The following LRRK1 variants were observed in gnomAD, a reference collection of about 807,000 sequenced individuals.
LRRK1 encodes the protein leucine rich repeat kinase 1, also known as leucine-rich repeat serine/threonine-protein kinase 1.
LRRK1 carries 113 observed loss-of-function variants against 209.1 expected under a neutral mutation model. The observed-to-expected ratio is 0.54, with a 90% CI of 0.46 to 0.63. LRRK1 has a LOEUF of 0.63. LRRK1 is among the 30% of genes least tolerant of loss of function. The probability of loss-of-function intolerance (pLI) is 0.00; values close to 1 mark genes in which losing one functional copy is unlikely to be tolerated. For missense variants in LRRK1, 2,284 were observed against 2,632.2 expected, an observed-to-expected ratio of 0.87 and a Z score of 2.89; for synonymous variants, 1,144 against 1,099.7, an observed-to-expected ratio of 1.04 and a Z score of -0.80.
chr15:100,948,188 GT>G (rs1404155127), intron 2 of LRRK1, among the ~76,000 whole-genome samples: 1 of 152,196 alleles, frequency 6.6e-6, no homozygotes, highest in African/African-American at 2.4e-5. Flanking sequence ...GTAGGTTTCT[GT>G]TTCTGAGTCT....
At chr15:100,944,473 G>A (rs1333494151) in intron 2 of LRRK1, among the ~76,000 whole-genome samples, 1 of 152,202 alleles carries the variant, frequency 6.6e-6, no homozygotes, top group Non-Finnish European at 1.5e-5. Context: ...CTTTTACAAG[G>A]ATGGGTTTGT....
At chr15:100,929,307 G>C (rs572648902) in intron 2 of LRRK1, among the ~76,000 whole-genome samples, 4 of 152,010 alleles carry the variant, frequency 2.6e-5, no homozygotes, top group Non-Finnish European at 5.9e-5. Context: ...CCGTCGCTTC[G>C]GTCCTGAAAG....
Position 101,029,135 on chromosome 15 carries a change from A to T in LRRK1, c.2866A>T (p.Met956Leu), listed in dbSNP as rs775494533. The T allele has an allele frequency of 8.1e-6, 13 of 1,613,986 alleles. No individual in the cohort carries two copies. The highest frequency in any genetic ancestry group is 9.3e-6 in the Non-Finnish European group (11 of 1,179,986). Residue 956 changes from methionine (M) to leucine (L), a missense_variant, in exon 20 of 34, where the codon ATG (methionine) becomes TTG (leucine). This residue lies in a region of LRRK1 where 780 missense variants were observed against 985.2 expected (regional missense o/e 0.79). Transcript: ENST00000388948. Reference sequence around the variant, plus strand: ...GGTGATCAGAGCAGAAGACCTCAGGATGCTGCTGGTGGGGACTGGCTTCAC... The same window carrying T: ...GGTGATCAGAGCAGAAGACCTCAGGTTGCTGCTGGTGGGGACTGGCTTCAC... The part of the protein sequence containing the change: ...NGVIRAEDLR[M>L]LLVGTGFTQQ...
intron 2 of LRRK1, among the ~76,000 whole-genome samples, chr15:100,934,299 T>G (rs1285842511): frequency 1.3e-5 from 2 of 152,248 alleles, no homozygotes; most frequent in Admixed American, 6.5e-5. Flanking sequence ...TTTTTGAAGT[T>G]CTTTTTAATG....
Position 100,973,914 on chromosome 15 carries a change from G to T in LRRK1, c.208G>T (p.Ala70Ser), listed in dbSNP as rs914448297. 16 of 1,265,980 alleles carry T rather than the reference G, an allele frequency of 1.3e-5. No individual in the cohort carries two copies. The highest frequency in any genetic ancestry group is 6.2e-5 in the African/African-American group (4 of 64,554). The allele number at this position is 1,265,980 out of a possible 1,614,324, so 78.4% of individuals were successfully genotyped here. ...GTACAGGCGGGGAGACCGCGGCGGC[G>T]CCCGGGACCTGCTGGAGGAGGCCTG... Reference protein sequence around the residue: ...AAYRRGDRGGARDLLEEACDQ... With the variant: ...AAYRRGDRGGSRDLLEEACDQ... Residue 70 changes from alanine to serine, a missense_variant, in exon 3 of 34, where the codon GCC becomes TCC. Physicochemically the swap from Ala to Ser is moderately conservative, Grantham distance 99. Coordinates refer to ENST00000388948, the MANE Select transcript of LRRK1 (RefSeq NM_024652.6).
intron 20 of LRRK1, among the ~76,000 whole-genome samples, chr15:101,037,022 C>T (rs2034518772): frequency 6.6e-6 from 1 of 152,118 alleles, no homozygotes; most frequent in Non-Finnish European, 1.5e-5. Context: ...CTCCTTGGAC[C>T]CCAGGGTGGT....
At chr15:100,925,122 A>G (rs2042088041) in intron 2 of LRRK1, among the ~76,000 whole-genome samples, 2 of 152,212 alleles carry the variant, frequency 1.3e-5, no homozygotes, top group South Asian at 4.1e-4. Context: ...CACAAGTACA[A>G]TGAGCATCTT....
chr15:101,076,951 C>T lies in LRRK1; in HGVS notation c.*8103C>T, dbSNP rs536397636. 3.9e-5 allele frequency: 6 copies of T among 152,326 alleles called. No individual in the cohort carries two copies. In the East Asian group the frequency reaches 7.7e-4, roughly 20 times the overall value. The allele number at this position is 152,326 out of a possible 1,614,324, so 9.4% of individuals were successfully genotyped here. ...CACCTCTATACTGTCTGATAACAGA[C>T]CAGCCTTTATTAGTCAAATCAGCCA... On this transcript the variant is annotated 3_prime_UTR_variant, in exon 34 of 34. Coordinates refer to ENST00000388948, the MANE Select transcript of LRRK1 (RefSeq NM_024652.6).
intron 6 of LRRK1, among the ~76,000 whole-genome samples, chr15:101,005,483 T>C (rs1338112515): frequency 6.6e-6 from 1 of 152,220 alleles, no homozygotes; most frequent in Non-Finnish European, 1.5e-5. Flanking sequence ...CTGCATTGAA[T>C]TGGAGGCATC....
chr15:100,946,693 C>T (rs2042546026), intron 2 of LRRK1, among the ~76,000 whole-genome samples: 1 of 152,172 alleles, frequency 6.6e-6, no homozygotes, highest in Non-Finnish European at 1.5e-5. Flanking sequence ...TAAAAATCAA[C>T]ACCACTAAAA....
chr15:101,013,022 G>A, intron 10 of LRRK1, among the ~76,000 whole-genome samples: 1 of 152,318 alleles, frequency 6.6e-6, no homozygotes, highest in Middle Eastern at 3.4e-3. Context: ...CAACTAGCAG[G>A]CTTGGATTTT....
chr15:101,073,841 T>C lies in LRRK1; in HGVS notation c.*4993T>C, dbSNP rs1309813576. 6.6e-6 allele frequency: 1 copy of C among 152,176 alleles called. No individual in the cohort carries two copies. The highest frequency in any genetic ancestry group is 2.4e-5 in the African/African-American group (1 of 41,442). 9.4% of individuals were successfully genotyped at this position (152,176 alleles called of 1,614,324 possible). A position where few individuals can be genotyped will look rare whatever the true frequency, so the allele number is the denominator to read the frequency against. ...TTCCTCCTTCTTCTCCCTTAGCCTA[T>C]GTTCTCAAAAACTTAAAACCTCTTC... On this transcript the variant is annotated 3_prime_UTR_variant, in exon 34 of 34. Transcript: ENST00000388948.
chr15:101,063,380 C>T lies in LRRK1; in HGVS notation c.4914+690C>T, dbSNP rs2036308308. Among the ~76,000 whole-genome samples the T allele has an allele frequency of 3.3e-5, 5 of 152,222 alleles. No individual in the cohort carries two copies. In the South Asian group the frequency reaches 1.0e-3, roughly 31 times the overall value. On this transcript the variant is annotated intron_variant, in intron 31 of 33. Coordinates refer to ENST00000388948, the MANE Select transcript of LRRK1 (RefSeq NM_024652.6). ...GGGCCCTTGACATCCCAGCCTCCTC[C>T]AGGAACAGCCCCTCCACGCACCTCT...
rs1460161867 is a variant in LRRK1, at chr15:101,061,411, A to C, written c.4797+123A>C. The C allele has an allele frequency of 4.5e-6, 3 of 667,850 alleles. No individual in the cohort carries two copies. The Admixed American group carries it at 7.3e-5, about 16-fold the overall frequency. 41.4% of individuals were successfully genotyped at this position (667,850 alleles called of 1,614,324 possible). A position where few individuals can be genotyped will look rare whatever the true frequency, so the allele number is the denominator to read the frequency against. The stretch of plus-strand genomic sequence containing the variant: ...TCAAGTGAACTTTCAGATAACCCCC[A>C]GCGCATCCCCGTGCAGTCCCCAAGT... On this transcript the variant is annotated intron_variant, in intron 30 of 33. Coordinates refer to ENST00000388948, the MANE Select transcript of LRRK1 (RefSeq NM_024652.6).
intron 12 of LRRK1, among the ~76,000 whole-genome samples, chr15:101,016,781 C>T (rs547112485): frequency 3.3e-4 from 50 of 152,284 alleles, no homozygotes; most frequent in African/African-American, 1.1e-3. Flanking sequence ...TACTGCCACA[C>T]GATGGTATCT....
rs1246733997 is a variant in LRRK1, at chr15:101,048,521, A to G, written c.3163A>G (p.Ser1055Gly). Residue 1055 changes from serine to glycine, a missense_variant, in exon 22 of 34, where the codon AGC becomes GGC. By Grantham distance (56) the Ser-to-Gly change is moderately conservative (BLOSUM62 0). Coordinates refer to ENST00000388948, the MANE Select transcript of LRRK1 (RefSeq NM_024652.6). ...QLFENKKNTK[S>G]RNRKVTIYSF... ...TTTTGAAAACAAGAAGAATACTAAA[A>G]GCAGGAACAGGAAAGTCACCATTTA... 2 of 1,600,382 alleles carry G rather than the reference A, an allele frequency of 1.2e-6. No individual in the cohort carries two copies. Among genetic ancestry groups the G allele is most frequent in the Non-Finnish European group, 1.7e-6 (2 of 1,175,968 alleles).
chr15:101,015,469 C>A, intron 12 of LRRK1, 67 bp downstream of exon 12: 3 of 1,217,180 alleles, frequency 2.5e-6, no homozygotes, highest in Non-Finnish European at 3.6e-6. Context: ...CCTGCTCCAC[C>A]AAAGTGGGGA....
intron 2 of LRRK1, among the ~76,000 whole-genome samples, chr15:100,935,702 C>T (rs762844086): frequency 3.0e-4 from 45 of 152,096 alleles, no homozygotes; most frequent in Non-Finnish European, 5.3e-4. Flanking sequence ...GTGTGGGTAT[C>T]CACACACAAG....
chr15:100,923,844 C>T (rs1374577029), intron 1 of LRRK1, among the ~76,000 whole-genome samples: 3 of 152,232 alleles, frequency 2.0e-5, no homozygotes, highest in African/African-American at 7.2e-5. Flanking sequence ...GCACTCTCCC[C>T]CAGCCAAGTT....
Sources: allele counts gnomAD v4.1 joint callset (sites outside exome capture counted in the v4.1 genomes callset), GRCh38; gene constraint gnomAD v4.1.1; regional missense constraint gnomAD v4.1.1; transcripts MANE v1.5; gene names NCBI Gene and HGNC (gene_info 2026-07-23, HGNC 2026-07-21).